Variants in ZNF462 observed in about 807,000 individuals in gnomAD.
ZNF462 encodes zinc finger PBX1-interacting protein.
ZNF462 carries 10 observed loss-of-function variants against 201.9 expected under a neutral mutation model. The observed-to-expected ratio is 0.05, with a 90% CI of 0.03 to 0.08. The LOEUF (loss-of-function observed/expected upper bound fraction) is 0.08. Among genes scored for constraint, ZNF462 ranks in the 10% least tolerant of loss-of-function variants. The pLI is 1.00. For missense variants in ZNF462, 2,523 were observed against 3,168.3 expected (o/e 0.80, Z 4.89); for synonymous variants, 1,227 against 1,193.3 (o/e 1.03, Z -0.58).
At chr9:106,958,841 G>T (rs777304550) in intron 7 of ZNF462, among the ~76,000 whole-genome samples, 4 of 152,132 alleles carry the variant, frequency 2.6e-5, no homozygotes, top group Non-Finnish European at 5.9e-5. Context: ...ATGGGAGTTG[G>T]AGTGTCAGGT....
Position 106,972,783 on chromosome 9 carries a change from G to A in ZNF462, c.6695+511G>A, listed in dbSNP as rs1826696022. 6.6e-6 allele frequency among the ~76,000 whole-genome samples: 1 copy of A among 152,150 alleles called. No individual in the cohort carries two copies. The highest frequency in any genetic ancestry group is 1.5e-5 in the Non-Finnish European group (1 of 68,034). The stretch of plus-strand genomic sequence containing the variant: ...AACACTACACTTGAGCAATCATAGG[G>A]AGATTGCTCCAGTCTAGAAAAAGAG... On this transcript the variant is annotated intron_variant, in intron 8 of 12. Coordinates refer to ENST00000277225, the MANE Select transcript of ZNF462 (RefSeq NM_021224.6). This position sits in a 1 kb window ranked among gnomAD's most constrained non-coding sequence, Gnocchi z 4.8.
At chr9:106,869,250 C>T (rs1326252051) in intron 1 of ZNF462, among the ~76,000 whole-genome samples, 1 of 152,196 alleles carries the variant, frequency 6.6e-6, no homozygotes, top group East Asian at 1.9e-4. Flanking sequence ...GAAACAATTA[C>T]TGGTGGTTTT....
chr9:106,938,862 A>T lies in ZNF462; in HGVS notation c.6236-54A>T, dbSNP rs887882613. The T allele has an allele frequency of 7.3e-5, 111 of 1,530,048 alleles. No individual in the cohort carries two copies. The highest frequency in any genetic ancestry group is 8.3e-5 in the Non-Finnish European group (94 of 1,132,520). The allele number at this position is 1,530,048 out of a possible 1,614,324, so 94.8% of individuals were successfully genotyped here. A position where few individuals can be genotyped will look rare whatever the true frequency, so the allele number is the denominator to read the frequency against. On this transcript the variant is annotated intron_variant, in intron 6 of 12. Coordinates refer to ENST00000277225, the MANE Select transcript of ZNF462 (RefSeq NM_021224.6). The surrounding 1 kb of genome is among the most constrained non-coding windows in gnomAD (Gnocchi z 4.4). ...GTTATCTTGTTTCCACCCTGGCCTT[A>T]TACCCTTCTCCCCTCTTTTTCCTGT... is the stretch of plus-strand genomic sequence containing the variant.
chr9:106,937,997 T>G (rs1049847224), intron 6 of ZNF462, among the ~76,000 whole-genome samples: 1 of 152,192 alleles, frequency 6.6e-6, no homozygotes, highest in African/African-American at 2.4e-5. Context: ...GCAAAATGGC[T>G]TTCTGAATTG....
At chr9:106,918,584 T>C (rs998747448) in intron 1 of ZNF462, among the ~76,000 whole-genome samples, 4 of 152,188 alleles carry the variant, frequency 2.6e-5, no homozygotes, top group Admixed American at 6.5e-5. Context: ...TTGCTAAGAA[T>C]AGCAACCCAA....
chr9:106,994,384 A>G (rs1828530169), intron 10 of ZNF462, among the ~76,000 whole-genome samples: 1 of 152,056 alleles, frequency 6.6e-6, no homozygotes, highest in Non-Finnish European at 1.5e-5. Flanking sequence ...CACTTAGGAC[A>G]TTTGTTTCCA....
In ZNF462 at chr9:107,010,739, C is replaced by A; in HGVS notation, c.7314-84C>A. The A allele has an allele frequency of 7.6e-7, 1 of 1,307,436 alleles. No homozygotes were observed. Among genetic ancestry groups the A allele is most frequent in the Non-Finnish European group, 1.0e-6 (1 of 974,598 alleles). The allele number at this position is 1,307,436 out of a possible 1,614,324, so 81.0% of individuals were successfully genotyped here. A position where few individuals can be genotyped will look rare whatever the true frequency, so the allele number is the denominator to read the frequency against. ...TTTGAGGATCAGGAAAATAAAGACA[C>A]TCGAGGGTTTTTATTATTTTTTTGT... On this transcript the variant is annotated intron_variant, in intron 12 of 12. Coordinates refer to ENST00000277225, the MANE Select transcript of ZNF462 (RefSeq NM_021224.6). This position sits in a 1 kb window ranked among gnomAD's most constrained non-coding sequence, Gnocchi z 4.6.
intron 1 of ZNF462, among the ~76,000 whole-genome samples, chr9:106,888,508 A>G (rs1828430202): frequency 6.6e-6 from 1 of 152,250 alleles, no homozygotes; most frequent in Non-Finnish European, 1.5e-5. Flanking sequence ...TATTGATAAC[A>G]GCATAGAAAA....
intron 9 of ZNF462, among the ~76,000 whole-genome samples, chr9:106,982,446 G>A (rs1827508635): frequency 6.6e-6 from 1 of 152,090 alleles, no homozygotes; most frequent in South Asian, 2.1e-4. Context: ...GAATATCCTA[G>A]CATGAGCTCC....
rs539675247 is a variant in ZNF462, at chr9:106,914,122, G to A, written c.-30-9232G>A. ...CATGATATCATATAGCATGAGGGCT[G>A]CTAAGATCATTTAGAACCACACAAT... is the stretch of plus-strand genomic sequence containing the variant. On this transcript the variant is annotated intron_variant, in intron 1 of 12. Coordinates refer to ENST00000277225, the MANE Select transcript of ZNF462 (RefSeq NM_021224.6). 5.8e-4 allele frequency among the ~76,000 whole-genome samples: 87 copies of A among 149,692 alleles called. 3 individuals are homozygous for A. Among genetic ancestry groups the A allele is most frequent in the South Asian group, 4.1e-3 (18 of 4,374 alleles).
chr9:106,953,493 T>G (rs932414059), intron 7 of ZNF462, among the ~76,000 whole-genome samples: 2 of 152,158 alleles, frequency 1.3e-5, no homozygotes, highest in African/African-American at 4.8e-5. Context: ...ACCTTCCTCC[T>G]GGGGAAATTC....
In ZNF462 at chr9:106,970,768, G is replaced by A. The variant is rs542474298; in HGVS notation, c.6428-1237G>A. On this transcript the variant is annotated intron_variant, in intron 7 of 12. Coordinates refer to ENST00000277225, the MANE Select transcript of ZNF462 (RefSeq NM_021224.6). This position sits in a 1 kb window ranked among gnomAD's most constrained non-coding sequence, Gnocchi z 4.2. ...CATTGCAAGCAGCATGTTGGGAAAA[G>A]GTTCAAGACCTTTTACTTTTCCTCT... 2.8e-4 allele frequency among the ~76,000 whole-genome samples: 43 copies of A among 152,162 alleles called. No individual in the cohort carries two copies. The highest frequency in any genetic ancestry group is 6.3e-4 in the South Asian group (3 of 4,800).
At chr9:106,986,391 C>T (rs190174580) in intron 10 of ZNF462, among the ~76,000 whole-genome samples, 23 of 152,212 alleles carry the variant, frequency 1.5e-4, no homozygotes, top group Non-Finnish European at 7.4e-5. Flanking sequence ...TTTTCCAGTT[C>T]GTAAATGGGA....
intron 1 of ZNF462, among the ~76,000 whole-genome samples, chr9:106,889,104 T>C (rs1448815592): frequency 6.6e-6 from 1 of 152,220 alleles, no homozygotes; most frequent in Non-Finnish European, 1.5e-5. Flanking sequence ...TGATGAGTCT[T>C]GTCAGTTGCC....
At position 106,928,775 on chromosome 9, in the gene ZNF462, C is replaced by T. The variant is rs3814539; in HGVS notation, c.4863C>T (p.Pro1621=). Reference sequence around the variant, plus strand: ...CGAAGCTGCCAGTCCCCCTCGAGCCCGAGATGACCACTGAAGTGAGCCCTT... The same window carrying T: ...CGAAGCTGCCAGTCCCCCTCGAGCCTGAGATGACCACTGAAGTGAGCCCTT... ...SPPKLPVPLE[P]EMTTEVSPSQ... is the part of the protein sequence containing the mutation. Residue 1621 remains proline, a synonymous_variant, in exon 3 of 13, where the codon CCC becomes CCT. Coordinates refer to ENST00000277225, the MANE Select transcript of ZNF462 (RefSeq NM_021224.6). This position sits in a 1 kb window ranked among gnomAD's most constrained non-coding sequence, Gnocchi z 9.3. 7.7e-5 allele frequency: 125 copies of T among 1,613,970 alleles called. No individual in the cohort carries two copies. In the East Asian group the frequency reaches 2.0e-3, roughly 26 times the overall value.
intron 1 of ZNF462, among the ~76,000 whole-genome samples, chr9:106,864,040 CT>C (rs1440371056): frequency 1.0e-3 from 14 of 13,376 alleles, no homozygotes; most frequent in African/African-American, 5.2e-3. Flanking sequence ...AGGTATTTGG[CT>C]CTCTCTCTCT....
Position 106,885,448 on chromosome 9 carries a change from G to A in ZNF462, c.-31+22093G>A, listed in dbSNP as rs1828276130. Among the ~76,000 whole-genome samples, 1 of 152,188 alleles carries A rather than the reference G, an allele frequency of 6.6e-6. No homozygotes were observed. Among genetic ancestry groups the A allele is most frequent in the Non-Finnish European group, 1.5e-5 (1 of 68,024 alleles). On this transcript the variant is annotated intron_variant, in intron 1 of 12. Transcript: ENST00000277225. This position sits in a 1 kb window ranked among gnomAD's most constrained non-coding sequence, Gnocchi z 4.1. ...AGCAGTCATGGCCCAAGAACCTGTG[G>A]TTCTTGGTTGTGTCCTTGCCATGCT...
At chr9:106,915,477 AT>A (rs1481321602) in intron 1 of ZNF462, among the ~76,000 whole-genome samples, 2 of 152,196 alleles carry the variant, frequency 1.3e-5, no homozygotes, top group Non-Finnish European at 2.9e-5. Flanking sequence ...GAGAAAAGAA[AT>A]TTCTTAGCTT....
intron 1 of ZNF462, among the ~76,000 whole-genome samples, chr9:106,874,879 G>A (rs1230619563): frequency 6.6e-6 from 1 of 152,196 alleles, no homozygotes; most frequent in Non-Finnish European, 1.5e-5. Flanking sequence ...AGTGGCTGTA[G>A]CTTGTTAATA....
Sources: gnomAD v4.1 joint callset for allele counts (sites outside exome capture counted in the v4.1 genomes callset) on GRCh38, gnomAD v4.1.1 for gene constraint, Gnocchi (gnomAD v3.1) non-coding constraint, MANE v1.5 for transcripts, NCBI Gene and HGNC (gene_info 2026-07-23, HGNC 2026-07-21) for gene names.